Variants in SHTN1 observed in about 807,000 individuals in gnomAD.
SHTN1 encodes the protein shootin 1.
Under a neutral mutation model 83.1 loss-of-function variants are expected in SHTN1, and 42 were observed. The ratio of observed to expected loss-of-function variants is 0.51; its 90% CI spans 0.39 to 0.65. The LOEUF (loss-of-function observed/expected upper bound fraction) is 0.65. Ranked by LOEUF, SHTN1 falls within the 30% of genes least tolerant of loss-of-function variation. The pLI is 0.00. For missense variants in SHTN1, 622 were observed against 737.8 expected (o/e 0.84, Z 1.82); for synonymous variants, 224 against 247.7 (o/e 0.90, Z 0.90).
chr10:116,990,042 G>A (rs1851363145), intron 1 of SHTN1, among the ~76,000 whole-genome samples: 1 of 152,088 alleles, frequency 6.6e-6, no homozygotes, highest in African/African-American at 2.4e-5. Context: ...TTCTTACAAA[G>A]GCAGCTCTCC....
At chr10:116,951,570 T>C (rs780760987) in intron 6 of SHTN1, among the ~76,000 whole-genome samples, 14 of 152,236 alleles carry the variant, frequency 9.2e-5, no homozygotes, top group Non-Finnish European at 1.6e-4. Context: ...AAGCAAAACA[T>C]GCTCTTCTTT....
chr10:116,957,600 A>G (rs1321167151), intron 4 of SHTN1, among the ~76,000 whole-genome samples: 1 of 152,110 alleles, frequency 6.6e-6, no homozygotes, highest in African/African-American at 2.4e-5. Flanking sequence ...CTACTATTAT[A>G]TTCAAATGTA....
chr10:116,958,228 G>C (rs1000177025), intron 4 of SHTN1, among the ~76,000 whole-genome samples: 2 of 152,056 alleles, frequency 1.3e-5, no homozygotes, highest in African/African-American at 4.8e-5. Flanking sequence ...AATGACAATT[G>C]ATACTTAAAT....
intron 1 of SHTN1, among the ~76,000 whole-genome samples, chr10:117,107,390 C>A (rs1853685659): frequency 6.6e-6 from 1 of 152,122 alleles, no homozygotes; most frequent in Admixed American, 6.5e-5. Flanking sequence ...ACATCTCCCC[C>A]TGAAGCCACA....
chr10:116,960,383 G>T, intron 3 of SHTN1, 153 bp from the exon 4 acceptor site: 1 of 504,564 alleles, frequency 2.0e-6, no homozygotes, highest in East Asian at 2.9e-5. Context: ...AAGCTGCCCT[G>T]ATTAAATCTG....
At chr10:116,920,882 T>A (rs1239321143) in intron 12 of SHTN1, among the ~76,000 whole-genome samples, 1 of 152,132 alleles carries the variant, frequency 6.6e-6, no homozygotes, top group African/African-American at 2.4e-5. Flanking sequence ...ACCCACCCAA[T>A]GTTCTAAAGG....
At chr10:117,021,337 A>G (rs960690925) in intron 2 of SHTN1, among the ~76,000 whole-genome samples, 2 of 152,178 alleles carry the variant, frequency 1.3e-5, no homozygotes, top group African/African-American at 4.8e-5. Flanking sequence ...ACCTGGAGGT[A>G]GAGGTTGCAG....
At chr10:116,939,603 G>A (rs1407042766) in intron 9 of SHTN1, among the ~76,000 whole-genome samples, 3 of 152,112 alleles carry the variant, frequency 2.0e-5, no homozygotes, top group Non-Finnish European at 2.9e-5. Context: ...GTTCGTATTC[G>A]GCCATCTTAC....
At chr10:117,022,542 C>T (rs946167775) in intron 2 of SHTN1, among the ~76,000 whole-genome samples, 1 of 151,966 alleles carries the variant, frequency 6.6e-6, no homozygotes, top group African/African-American at 2.4e-5. Flanking sequence ...AAAAAATACA[C>T]ACAACTAAAC....
At chr10:117,026,161 C>G (rs1387008406) in intron 2 of SHTN1, among the ~76,000 whole-genome samples, 1 of 152,080 alleles carries the variant, frequency 6.6e-6, no homozygotes, top group Non-Finnish European at 1.5e-5. Context: ...ATTACTGAAC[C>G]TGACCTACGT....
chr10:116,915,159 C>A (rs1474417732), intron 13 of SHTN1, among the ~76,000 whole-genome samples: 1 of 152,144 alleles, frequency 6.6e-6, no homozygotes, highest in Non-Finnish European at 1.5e-5. Flanking sequence ...GAGACAACAG[C>A]ACCCCCAAAA....
intron 1 of SHTN1, among the ~76,000 whole-genome samples, chr10:116,984,115 A>T (rs1011042377): frequency 6.6e-6 from 1 of 152,110 alleles, no homozygotes; most frequent in Non-Finnish European, 1.5e-5. Flanking sequence ...TTTAGCGCTG[A>T]AAGTTCAGCA....
At chr10:117,106,628 G>A (rs115876445) in intron 1 of SHTN1, among the ~76,000 whole-genome samples, 1 of 152,134 alleles carries the variant, frequency 6.6e-6, no homozygotes, top group Non-Finnish European at 1.5e-5. Context: ...AATAGTAGCA[G>A]CTCCTATAGG....
At chr10:116,903,146 A>G (rs912424245) in intron 15 of SHTN1, among the ~76,000 whole-genome samples, 21 of 152,244 alleles carry the variant, frequency 1.4e-4, no homozygotes, top group African/African-American at 4.3e-4. Flanking sequence ...TGGAAGCCCC[A>G]GTTCACAAAG....
chr10:117,103,005 C>A (rs993851085), intron 1 of SHTN1, among the ~76,000 whole-genome samples: 1 of 152,200 alleles, frequency 6.6e-6, no homozygotes, highest in South Asian at 2.1e-4. Context: ...TCCTCAATGC[C>A]ATTTTGGCAG....
intron 2 of SHTN1, among the ~76,000 whole-genome samples, chr10:117,025,373 C>T (rs954655337): frequency 1.3e-5 from 2 of 152,172 alleles, no homozygotes; most frequent in African/African-American, 4.8e-5. Context: ...GGAGAATTGC[C>T]GATCCCAGTA....
chr10:116,971,080 T>C (rs577678390), intron 2 of SHTN1, among the ~76,000 whole-genome samples: 7 of 152,342 alleles, frequency 4.6e-5, no homozygotes, highest in African/African-American at 1.7e-4. Context: ...CAGTTCAGTT[T>C]TCCCCTTTAG....
intron 7 of SHTN1, among the ~76,000 whole-genome samples, chr10:116,946,607 TTATA>T (rs1017783555): frequency 1.0e-5 from 1 of 96,352 alleles, no homozygotes; most frequent in East Asian, 3.5e-4. Flanking sequence ...ATAAAATGAT[TTATA>T]TATAAATATA....
intron 1 of SHTN1, among the ~76,000 whole-genome samples, chr10:117,123,160 G>A (rs1853955821): frequency 1.3e-5 from 2 of 152,108 alleles, no homozygotes; most frequent in Non-Finnish European, 2.9e-5. Flanking sequence ...GTACCACCAA[G>A]CCCAGCTCAT....
Sources: gnomAD v4.1 joint callset for allele counts (sites outside exome capture counted in the v4.1 genomes callset) on GRCh38, gnomAD v4.1.1 for gene constraint, MANE v1.5 for transcripts, NCBI Gene and HGNC (gene_info 2026-07-23, HGNC 2026-07-21) for gene names.